PSTPIP2: variants seen among roughly 807,000 people sequenced by gnomAD.
The protein encoded by PSTPIP2 is proline-serine-threonine phosphatase-interacting protein 2.
In PSTPIP2, 33 loss-of-function variants were observed where a neutral mutation model predicts 63.3. That is an observed-to-expected ratio of 0.52 (90% CI 0.40 to 0.70). The LOEUF is 0.70. Among genes scored for constraint, PSTPIP2 ranks in the 30% least tolerant of loss-of-function variants. The pLI is 0.00. For missense variants in PSTPIP2, 312 were observed against 400.7 expected (o/e 0.78, Z 1.89); for synonymous variants, 125 against 132.7 (o/e 0.94, Z 0.40).
rs2051544589 is a variant in PSTPIP2, at chr18:45,992,311, C to T, written c.742-109G>A. ...GGCGCAGTGGCTCATGTCTGTAATC[C>T]CAGCATTTTGGGAGGTTGGGGTGGG... On this transcript the variant is annotated intron_variant, in intron 10 of 14. Transcript: ENST00000409746. 3.6e-5 allele frequency: 33 copies of T among 927,028 alleles called. 1 individual carries two copies. In the South Asian group the frequency reaches 4.9e-4, roughly 14 times the overall value. The allele number at this position is 927,028 out of a possible 1,614,324, so 57.4% of individuals were successfully genotyped here.
At chr18:46,020,042 A>G (rs1907288410) in intron 3 of PSTPIP2, among the ~76,000 whole-genome samples, 1 of 152,186 alleles carries the variant, frequency 6.6e-6, no homozygotes, top group African/African-American at 2.4e-5. Flanking sequence ...ACAGTGACTG[A>G]TTGAAGGGCC....
intron 2 of PSTPIP2, chr18:46,028,945 G>A: frequency 7.8e-7 from 1 of 1,285,860 alleles, no homozygotes; most frequent in Non-Finnish European, 1.1e-6. Flanking sequence ...TGGTAATGCT[G>A]AACGTCCTTC....
intron 1 of PSTPIP2, among the ~76,000 whole-genome samples, chr18:46,051,900 G>A (rs1908594841): frequency 6.6e-6 from 1 of 152,192 alleles, no homozygotes; most frequent in Non-Finnish European, 1.5e-5. Flanking sequence ...TAGAATTAGT[G>A]ATGCATCATA....
chr18:46,028,158 C>G (rs1459638558), intron 2 of PSTPIP2: 1 of 327,468 alleles, frequency 3.1e-6, no homozygotes, highest in East Asian at 1.0e-4. Flanking sequence ...GAGACAGTGT[C>G]TCAAAAAGAA....
intron 1 of PSTPIP2, among the ~76,000 whole-genome samples, chr18:46,062,663 T>C (rs1349585274): frequency 6.6e-6 from 1 of 151,986 alleles, no homozygotes; most frequent in East Asian, 1.9e-4. Context: ...TACAGGCACA[T>C]GCCACCACAC....
chr18:46,029,542 G>A lies in PSTPIP2; in HGVS notation c.135-4856C>T. The A allele has an allele frequency of 6.2e-6, 5 of 800,622 alleles. No homozygotes were observed. The South Asian group carries it at 6.7e-5, about 11-fold the overall frequency. The allele number at this position is 800,622 out of a possible 1,614,324, so 49.6% of individuals were successfully genotyped here. ...AGTTGCTTGTGGTTCTAATTGTGGA[G>A]CAGTAAATATAAATAATCAAGATTC... On this transcript the variant is annotated intron_variant, in intron 2 of 14. Transcript: ENST00000409746.
chr18:46,052,022 G>T (rs755541560), intron 1 of PSTPIP2, among the ~76,000 whole-genome samples: 1 of 152,218 alleles, frequency 6.6e-6, no homozygotes, highest in African/African-American at 2.4e-5. Context: ...AGACAGGAGC[G>T]GGGAGGCAGG....
rs536606800 is a variant in PSTPIP2, at chr18:45,993,575, G to A, written c.741+30C>T. ...ACTCTAATGTATCCAACATGCACACGACAATCCTCAGTGGATGCCTCTGAC... is the reference window on the plus strand; with the variant it reads ...ACTCTAATGTATCCAACATGCACACAACAATCCTCAGTGGATGCCTCTGAC... On this transcript the variant is annotated intron_variant, in intron 10 of 14. Transcript: ENST00000409746. The A allele has an allele frequency of 2.6e-4, 409 of 1,576,976 alleles. No homozygotes were observed. The South Asian group carries it at 4.1e-3, about 16-fold the overall frequency.
At chr18:46,055,385 G>A (rs1021635877) in intron 1 of PSTPIP2, among the ~76,000 whole-genome samples, 1 of 152,190 alleles carries the variant, frequency 6.6e-6, no homozygotes, top group African/African-American at 2.4e-5. Context: ...AGGCTGGAGT[G>A]CAGTGATGTC....
chr18:46,045,394 A>C lies in PSTPIP2; in HGVS notation c.34-5347T>G, dbSNP rs531116788. ...GATGAAATTGGAAATCATCATTCTC[A>C]GTAAACTATCGTAAGAACAAAAAAC... On this transcript the variant is annotated intron_variant, in intron 1 of 14. Coordinates refer to ENST00000409746, the MANE Select transcript of PSTPIP2 (RefSeq NM_024430.4). 6.6e-5 allele frequency among the ~76,000 whole-genome samples: 10 copies of C among 152,302 alleles called. No homozygotes were observed. The East Asian group carries it at 7.7e-4, about 12-fold the overall frequency.
chr18:45,993,817 C>A, intron 9 of PSTPIP2, 114 bp from the exon 10 acceptor site: 2 of 871,708 alleles, frequency 2.3e-6, no homozygotes, highest in South Asian at 1.5e-5. Context: ...ACTTATTGTC[C>A]AATTTAGAAT....
chr18:46,010,082 G>A (rs1397166284), intron 5 of PSTPIP2, among the ~76,000 whole-genome samples: 1 of 152,172 alleles, frequency 6.6e-6, no homozygotes, highest in Non-Finnish European at 1.5e-5. Context: ...AGCAGCTGGT[G>A]AAACAGCAAT....
At chr18:46,040,677 C>T (rs574274135) in intron 1 of PSTPIP2, among the ~76,000 whole-genome samples, 9 of 152,112 alleles carry the variant, frequency 5.9e-5, no homozygotes, top group Non-Finnish European at 1.3e-4. Context: ...GTGAGCAGAC[C>T]CAAGTTCAGT....
chr18:46,044,243 T>A (rs1008474363), intron 1 of PSTPIP2, among the ~76,000 whole-genome samples: 4 of 152,220 alleles, frequency 2.6e-5, no homozygotes, highest in Non-Finnish European at 5.9e-5. Context: ...GGCATCACGC[T>A]ACCTGACTTC....
rs115549355 is a variant in PSTPIP2 at position 46,008,251 on chromosome 18, A to G, written c.355-2720T>C. Reference sequence around the variant, plus strand: ...GACCCCTATAACCCTGAGAGAGACTATTGGAATAGCTGCTTCATGGCCCGT... The same window carrying G: ...GACCCCTATAACCCTGAGAGAGACTGTTGGAATAGCTGCTTCATGGCCCGT... On this transcript the variant is annotated intron_variant, in intron 5 of 14. Transcript: ENST00000409746. Among the ~76,000 whole-genome samples the G allele has an allele frequency of 5.7e-3, 864 of 152,284 alleles. 13 individuals are homozygous for G. Among genetic ancestry groups the G allele is most frequent in the African/African-American group, 0.018 (762 of 41,558 alleles).
chr18:46,063,095 T>C (rs976888713), intron 1 of PSTPIP2, among the ~76,000 whole-genome samples: 1 of 152,316 alleles, frequency 6.6e-6, no homozygotes, highest in East Asian at 1.9e-4. Context: ...TTCAACCGCA[T>C]GGACTCAAGT....
intron 2 of PSTPIP2, among the ~76,000 whole-genome samples, chr18:46,036,122 A>G (rs1907967750): frequency 1.3e-5 from 2 of 148,450 alleles, no homozygotes; most frequent in African/African-American, 4.9e-5. Flanking sequence ...AATTAATATC[A>G]TTTTATTTAA....
At chr18:46,019,706 C>A (rs1311129330) in intron 3 of PSTPIP2, among the ~76,000 whole-genome samples, 2 of 152,132 alleles carry the variant, frequency 1.3e-5, no homozygotes, top group Non-Finnish European at 2.9e-5. Flanking sequence ...GAAGCTGAAG[C>A]ACAAGAATCA....
intron 3 of PSTPIP2, among the ~76,000 whole-genome samples, chr18:46,019,661 T>G (rs1486113677): frequency 6.6e-6 from 1 of 152,040 alleles, no homozygotes; most frequent in Non-Finnish European, 1.5e-5. Flanking sequence ...ATTACCCAGG[T>G]GTGGTGGCAC....
Sources: gnomAD v4.1 joint callset for allele counts (sites outside exome capture counted in the v4.1 genomes callset) on GRCh38, gnomAD v4.1.1 for gene constraint, MANE v1.5 for transcripts, NCBI Gene and HGNC (gene_info 2026-07-23, HGNC 2026-07-21) for gene names.